ROBO1: variants seen among roughly 807,000 people sequenced by gnomAD.
ROBO1 encodes the protein roundabout guidance receptor 1.
ROBO1 carries 149 observed loss-of-function variants against 195.9 expected under a neutral mutation model. The ratio of observed to expected loss-of-function variants is 0.76; its 90% confidence interval spans 0.67 to 0.87. ROBO1 has a LOEUF of 0.87. Ranked by LOEUF, ROBO1 falls within the 40% of genes least tolerant of loss-of-function variation. The pLI is 0.00. For missense variants in ROBO1, 1,933 were observed against 2,068.3 expected, an observed-to-expected ratio of 0.93 and a Z score of 1.27; for synonymous variants, 816 against 733.2, an observed-to-expected ratio of 1.11 and a Z score of -1.82.
chr3:78,757,127 C>A (rs1244395242), intron 4 of ROBO1, among the ~76,000 whole-genome samples: 2 of 152,028 alleles, frequency 1.3e-5, no homozygotes, highest in Non-Finnish European at 2.9e-5. Flanking sequence ...CCTGACCTCA[C>A]GTGAGCCACC....
intron 10 of ROBO1, among the ~76,000 whole-genome samples, chr3:78,678,444 G>A (rs948169355): frequency 2.0e-5 from 3 of 151,910 alleles, no homozygotes; most frequent in African/African-American, 4.8e-5. Context: ...TAATAAAGAG[G>A]AAAAGAGAGA....
intron 4 of ROBO1, among the ~76,000 whole-genome samples, chr3:78,843,236 A>C (rs890256060): frequency 6.6e-6 from 1 of 152,214 alleles, no homozygotes; most frequent in African/African-American, 2.4e-5. Flanking sequence ...AACTATGTGA[A>C]TGTTTTAACT....
At position 78,614,676 on chromosome 3, in the gene ROBO1, T is replaced by TCCTGG; in HGVS notation, c.4402_4406dup (p.His1470GlnfsTer23). ...CTGTGTAGGTTTCTCTGCGCAGATG[T>TCCTGG]CCTGGCTGGTGTTTCAGTTTCTTGG... On this transcript the variant is annotated frameshift_variant, in exon 28 of 31. Coordinates refer to ENST00000464233, the MANE Select transcript of ROBO1 (RefSeq NM_002941.4). LOFTEE classifies it high-confidence loss of function. 6.2e-7 allele frequency: 1 copy of TCCTGG among 1,613,780 alleles called. No individual in the cohort carries two copies. The highest frequency in any genetic ancestry group is 8.5e-7 in the Non-Finnish European group (1 of 1,179,820).
At chr3:78,876,086 G>A (rs2035827547) in intron 4 of ROBO1, among the ~76,000 whole-genome samples, 1 of 151,944 alleles carries the variant, frequency 6.6e-6, no homozygotes, top group Non-Finnish European at 1.5e-5. Flanking sequence ...GGAATAGAAA[G>A]GAAAGGTTAC....
chr3:79,181,870 G>A (rs1353597776), intron 2 of ROBO1, among the ~76,000 whole-genome samples: 2 of 149,100 alleles, frequency 1.3e-5, no homozygotes, highest in Non-Finnish European at 3.0e-5. Flanking sequence ...AGGCTGCACT[G>A]AGATGTTGTC....
intron 1 of ROBO1, among the ~76,000 whole-genome samples, chr3:79,729,306 C>A (rs536353788): frequency 1.3e-5 from 2 of 152,250 alleles, no homozygotes; most frequent in South Asian, 4.1e-4. Context: ...GGAATGAAGT[C>A]GGCCTCTGGC....
intron 8 of ROBO1, 131 bp downstream of exon 8, chr3:78,714,266 T>A: frequency 1.2e-6 from 1 of 865,356 alleles, no homozygotes; most frequent in Non-Finnish European, 1.6e-6. Context: ...TAAATATGTT[T>A]GAAATACATT....
chr3:78,849,839 C>T lies in ROBO1; in HGVS notation c.499+88762G>A, dbSNP rs879792974. 6.5e-3 allele frequency among the ~76,000 whole-genome samples: 967 copies of T among 149,278 alleles called. 7 individuals carry two copies. Among genetic ancestry groups the T allele is most frequent in the South Asian group, 0.016 (75 of 4,680 alleles). On this transcript the variant is annotated intron_variant, in intron 4 of 30. Coordinates refer to ENST00000464233, the MANE Select transcript of ROBO1 (RefSeq NM_002941.4). Reference sequence around the variant, plus strand: ...CAGTCTCTCTCTCCCATTACACACACACACACACACACACACACACACACA... The same window carrying T: ...CAGTCTCTCTCTCCCATTACACACATACACACACACACACACACACACACA...
chr3:79,242,483 A>G (rs944500868), intron 2 of ROBO1, among the ~76,000 whole-genome samples: 1 of 152,118 alleles, frequency 6.6e-6, no homozygotes, highest in Non-Finnish European at 1.5e-5. Flanking sequence ...TGCTCAGAGG[A>G]AACACCAACT....
intron 1 of ROBO1, among the ~76,000 whole-genome samples, chr3:79,646,839 A>G (rs924191163): frequency 1.3e-5 from 2 of 152,116 alleles, no homozygotes; most frequent in African/African-American, 2.4e-5. Flanking sequence ...TCTCAATCAT[A>G]TAATGGAGGT....
In ROBO1 at chr3:79,568,653, T is replaced by A. The variant is rs528088441; in HGVS notation, c.88+21171A>T. 7.9e-5 allele frequency among the ~76,000 whole-genome samples: 12 copies of A among 152,188 alleles called. No individual in the cohort carries two copies. The South Asian group carries it at 2.1e-3, about 26-fold the overall frequency. ...TTTGTTCATGCTTGTCTGTCCTTTG[T>A]TCTTGGTGGGGTGCTGGAGAAAAAC... is the stretch of plus-strand genomic sequence containing the variant. On this transcript the variant is annotated intron_variant, in intron 2 of 30. Transcript: ENST00000464233.
At chr3:79,228,419 C>A (rs1283970373) in intron 2 of ROBO1, among the ~76,000 whole-genome samples, 2 of 152,012 alleles carry the variant, frequency 1.3e-5, no homozygotes, top group Non-Finnish European at 2.9e-5. Flanking sequence ...GTACCTGCAC[C>A]TTGTGATAAG....
rs1272810524 is a variant in ROBO1 at position 78,711,337 on chromosome 3, TTCCTTCCTTCC to T, written c.1045+3049_1045+3059del. 3.1e-3 allele frequency among the ~76,000 whole-genome samples: 332 copies of T among 108,720 alleles called. 13 individuals are homozygous for T. The highest frequency in any genetic ancestry group is 0.013 in the African/African-American group (315 of 24,790). The allele number at this position is 108,720 out of a possible 152,430, so 71.3% of individuals were successfully genotyped here. On this transcript the variant is annotated intron_variant, in intron 8 of 30. Transcript: ENST00000464233. ...TTTCTCTCTCTCTCTCCTTCCTTCC[TTCCTTCCTTCC>T]TCCTTCCTTCCTTCCTTCCTTCCTT...
chr3:79,210,941 G>A (rs1392281062), intron 2 of ROBO1, among the ~76,000 whole-genome samples: 2 of 151,978 alleles, frequency 1.3e-5, no homozygotes, highest in Admixed American at 1.3e-4. Context: ...AAGATTTCAA[G>A]CATAGTATCT....
intron 2 of ROBO1, among the ~76,000 whole-genome samples, chr3:79,454,186 G>A (rs2039541474): frequency 6.7e-6 from 1 of 149,424 alleles, no homozygotes; most frequent in African/African-American, 2.5e-5. Context: ...AGAGTTCACG[G>A]ATTTAAGACA....
chr3:79,395,316 C>T (rs1223134039), intron 2 of ROBO1, among the ~76,000 whole-genome samples: 2 of 95,826 alleles, frequency 2.1e-5, no homozygotes, highest in Non-Finnish European at 3.9e-5. Flanking sequence ...AGCAAGACTC[C>T]GTCTCAAAAA....
intron 3 of ROBO1, among the ~76,000 whole-genome samples, chr3:79,030,707 T>A (rs1280946525): frequency 1.3e-5 from 2 of 152,132 alleles, no homozygotes; most frequent in Non-Finnish European, 2.9e-5. Context: ...AAAGAGGCAA[T>A]CTTTTTCCAA....
intron 17 of ROBO1, among the ~76,000 whole-genome samples, chr3:78,659,002 G>A (rs1707213663): frequency 6.6e-6 from 1 of 152,118 alleles, no homozygotes; most frequent in Admixed American, 6.5e-5. Context: ...ACTCTTAGGG[G>A]AAAATGCCTA....
At chr3:79,331,382 C>T (rs2109173378) in intron 2 of ROBO1, among the ~76,000 whole-genome samples, 1 of 152,228 alleles carries the variant, frequency 6.6e-6, no homozygotes, top group Non-Finnish European at 1.5e-5. Flanking sequence ...TTCAATTTTA[C>T]TTTTACTCTG....
Sources: gnomAD v4.1 joint callset for allele counts (sites outside exome capture counted in the v4.1 genomes callset) on GRCh38, gnomAD v4.1.1 for gene constraint, MANE v1.5 for transcripts, NCBI Gene and HGNC (gene_info 2026-07-23, HGNC 2026-07-21) for gene names.